C4orf50: variants seen among roughly 807,000 people sequenced by gnomAD.
The protein encoded by C4orf50 is uncharacterized protein C4orf50.
In C4orf50, 80 loss-of-function variants were observed where a neutral mutation model predicts 77.2. The ratio of observed to expected loss-of-function variants is 1.04; its 90% confidence interval spans 0.87 to 1.25. The LOEUF (loss-of-function observed/expected upper bound fraction) is 1.25, where lower values mean the gene tolerates loss of function less well. Ranked by LOEUF, C4orf50 falls within the 50% of genes most tolerant of loss-of-function variation. The pLI is 0.00. For missense variants in C4orf50, 1,257 were observed against 1,152.9 expected (o/e 1.09, Z -1.31); for synonymous variants, 532 against 465.3 (o/e 1.14, Z -1.84).
At chr4:6,004,432 G>A (rs1209110361) in intron 25 of C4orf50, among the ~76,000 whole-genome samples, 2 of 71,214 alleles carry the variant, frequency 2.8e-5, no homozygotes, top group African/African-American at 4.8e-5. Context: ...GGTGATGGTG[G>A]TGATGATGTG....
chr4:5,944,694 G>A (rs55920179), intron 7 of C4orf50, among the ~76,000 whole-genome samples: 45,634 of 151,894 alleles, frequency 0.3, 7,430 homozygotes, highest in Non-Finnish European at 0.36. Context: ...ATGCACCCAC[G>A]CCCTTAAGGA....
chr4:5,952,683 C>A (rs1226916071), downstream of C4orf50, among the ~76,000 whole-genome samples: 1 of 152,196 alleles, frequency 6.6e-6, no homozygotes, highest in Non-Finnish European at 1.5e-5. The surrounding 1 kb of genome is among the most constrained non-coding windows in gnomAD (Gnocchi z 4.4). Context: ...AAGAAACTGG[C>A]TGGCTCCTTT....
chr4:5,967,539 C>G, intron 31 of C4orf50, 77 bp from the exon 10 acceptor site: 1 of 1,305,190 alleles, frequency 7.7e-7, no homozygotes, highest in Middle Eastern at 1.8e-4. Flanking sequence ...TGCAATTGGA[C>G]CAAGCAGGGC....
intron 31 of C4orf50, among the ~76,000 whole-genome samples, chr4:5,967,971 A>G (rs115880352): frequency 3.9e-4 from 59 of 152,302 alleles, no homozygotes; most frequent in African/African-American, 1.4e-3. Context: ...ACGGCCCCCA[A>G]GTGGTTGAGC....
Position 5,916,221 on chromosome 4 carries a change from G to T in C4orf50, c.*2475-18033C>A, listed in dbSNP as rs568147462. Among the ~76,000 whole-genome samples, 2 of 152,166 alleles carry T rather than the reference G, an allele frequency of 1.3e-5. No individual in the cohort carries two copies. Among genetic ancestry groups the T allele is most frequent in the Non-Finnish European group, 2.9e-5 (2 of 68,018 alleles). ...TTCCCTCACTGGACAGGGAACAGAC[G>T]CACCAACAGCTCCTGGTTACTCTGG... On this transcript the variant is annotated intron_variant, in intron 7 of 7. Coordinates refer to the C4orf50 transcript ENST00000324058. The surrounding 1 kb of genome is among the most constrained non-coding windows in gnomAD (Gnocchi z 4.4).
rs1722494916 is a variant in C4orf50 at position 6,011,569 on chromosome 4, C to G, written c.426+261G>C. ...CCCAGGAGCCCTGCATCAGCCAACT[C>G]CTGTCCTCAGTCTGTGGCCTGGCGC... On this transcript the variant is annotated intron_variant, in intron 24 of 33. Coordinates refer to ENST00000531445, the Ensembl canonical transcript of C4orf50. This position sits in a 1 kb window ranked among gnomAD's most constrained non-coding sequence, Gnocchi z 4.2. 6.6e-6 allele frequency among the ~76,000 whole-genome samples: 1 copy of G among 152,166 alleles called. No individual in the cohort carries two copies. The highest frequency in any genetic ancestry group is 6.5e-5 in the Admixed American group (1 of 15,284).
rs562309679 is a variant in C4orf50, at chr4:6,010,218, C to T, written c.426+1612G>A. Reference sequence around the variant, plus strand: ...GTGGCAGAGGAGTCCCACTCAACGCCGCTCTACCTATGATAAAACTCCCCT... The same window carrying T: ...GTGGCAGAGGAGTCCCACTCAACGCTGCTCTACCTATGATAAAACTCCCCT... On this transcript the variant is annotated intron_variant, in intron 24 of 33. Coordinates refer to ENST00000531445, the Ensembl canonical transcript of C4orf50. 1.1e-3 allele frequency among the ~76,000 whole-genome samples: 161 copies of T among 152,244 alleles called. 2 individuals carry two copies. The highest frequency in any genetic ancestry group is 3.5e-3 in the African/African-American group (146 of 41,522).
chr4:5,945,545 A>C (rs1718444786), intron 7 of C4orf50, among the ~76,000 whole-genome samples: 1 of 152,148 alleles, frequency 6.6e-6, no homozygotes, highest in South Asian at 2.1e-4. Context: ...AAGCAAAATG[A>C]GTCGCAGGGC....
At chr4:5,959,735 C>CG (rs1331568936) in intron 33 of C4orf50, 109 bp from the exon 12 acceptor site, 2 of 1,359,296 alleles carry the variant, frequency 1.5e-6, no homozygotes, top group Admixed American at 2.6e-5. Flanking sequence ...CTAACGGTTT[C>CG]GGGGCACTTT....
intron 23 of C4orf50, among the ~76,000 whole-genome samples, chr4:6,016,423 C>T (rs1336236289): frequency 6.6e-6 from 1 of 152,148 alleles, no homozygotes; most frequent in Non-Finnish European, 1.5e-5. Context: ...GTGATGGGCG[C>T]CTATAGTCCC....
chr4:5,912,067 C>T (rs1716830089), intron 7 of C4orf50, among the ~76,000 whole-genome samples: 1 of 97,522 alleles, frequency 1.0e-5, no homozygotes, highest in Admixed American at 1.2e-4. Flanking sequence ...AAACAAAAAA[C>T]AAAAAAACCA....
rs1055623473 is a variant in C4orf50, at chr4:5,905,313, G to A, written c.*2475-7125C>T. 6.6e-6 allele frequency: 1 copy of A among 152,204 alleles called. No homozygotes were observed. Among genetic ancestry groups the A allele is most frequent in the Admixed American group, 6.5e-5 (1 of 15,292 alleles). 9.4% of individuals were successfully genotyped at this position (152,204 alleles called of 1,614,324 possible). A position where few individuals can be genotyped will look rare whatever the true frequency, so the allele number is the denominator to read the frequency against. ...ATTCCCTATTAGTGACTTGAGACAGGAAGATGGTTGCTTGGCTTATAATTT... is the reference window on the plus strand; with the variant it reads ...ATTCCCTATTAGTGACTTGAGACAGAAAGATGGTTGCTTGGCTTATAATTT... On this transcript the variant is annotated intron_variant, in intron 7 of 7. Coordinates refer to the C4orf50 transcript ENST00000324058. This position sits in a 1 kb window ranked among gnomAD's most constrained non-coding sequence, Gnocchi z 5.4.
downstream of C4orf50, among the ~76,000 whole-genome samples, chr4:5,952,850 GT>G (rs1330512004): frequency 6.6e-6 from 1 of 152,144 alleles, no homozygotes; most frequent in African/African-American, 2.4e-5. The surrounding 1 kb of genome is among the most constrained non-coding windows in gnomAD (Gnocchi z 4.4). Flanking sequence ...AGAACGACTC[GT>G]TTTGGCACCG....
At chr4:5,973,005 T>C (rs1057118589) in intron 31 of C4orf50, among the ~76,000 whole-genome samples, 3 of 152,236 alleles carry the variant, frequency 2.0e-5, no homozygotes, top group African/African-American at 4.8e-5. Context: ...TTCTCATTCA[T>C]TTGGTTCATT....
intron 33 of C4orf50, among the ~76,000 whole-genome samples, chr4:5,963,641 G>A (rs1437072280): frequency 6.6e-6 from 1 of 152,166 alleles, no homozygotes; most frequent in Non-Finnish European, 1.5e-5. Flanking sequence ...GGGGATAAAA[G>A]AAGGGAGAAA....
intron 7 of C4orf50, among the ~76,000 whole-genome samples, chr4:5,922,998 G>T (rs1309972793): frequency 1.3e-5 from 2 of 152,122 alleles, no homozygotes; most frequent in African/African-American, 4.8e-5. Flanking sequence ...CAGCACTTCA[G>T]CATTCACAAT....
At chr4:5,998,763 T>C (rs1336772572) in intron 25 of C4orf50, among the ~76,000 whole-genome samples, 1 of 152,262 alleles carries the variant, frequency 6.6e-6, no homozygotes, top group Non-Finnish European at 1.5e-5. Context: ...TATAAGCTTT[T>C]GGAGGGCAAG....
chr4:5,943,219 G>A (rs1368263633), intron 7 of C4orf50, among the ~76,000 whole-genome samples: 1 of 152,216 alleles, frequency 6.6e-6, no homozygotes, highest in Non-Finnish European at 1.5e-5. Flanking sequence ...GGCACCCGCA[G>A]TAGGCTTCTT....
At chr4:5,964,605 T>C (rs950337514) in intron 33 of C4orf50, among the ~76,000 whole-genome samples, 1 of 151,774 alleles carries the variant, frequency 6.6e-6, no homozygotes, top group Non-Finnish European at 1.5e-5. Flanking sequence ...CCATCTCTAC[T>C]AAAAATACAA....
Sources: allele counts gnomAD v4.1 joint callset (sites outside exome capture counted in the v4.1 genomes callset), GRCh38; gene constraint gnomAD v4.1.1; non-coding constraint Gnocchi (gnomAD v3.1); transcripts MANE v1.5; gene names NCBI Gene and HGNC (gene_info 2026-07-23, HGNC 2026-07-21).